The following CAPN5 variants were observed in gnomAD, a reference collection of about 807,000 sequenced individuals.
The protein encoded by CAPN5 is calpain 5, also known as calpain-5.
CAPN5 carries 54 observed loss-of-function variants against 73.0 expected under a neutral mutation model. That is an observed-to-expected ratio of 0.74 (90% CI 0.59 to 0.93). The LOEUF is 0.93. CAPN5 is among the 40% of genes least tolerant of loss of function. The pLI is 0.00. For synonymous variants in CAPN5, 335 were observed against 356.9 expected (o/e 0.94, Z 0.69); for missense variants, 785 against 882.9 (o/e 0.89, Z 1.41).
intron 9 of CAPN5, 41 bp downstream of exon 9, chr11:77,119,193 AG>A (rs782070395): frequency 1.3e-5 from 21 of 1,575,634 alleles, no homozygotes; most frequent in Non-Finnish European, 1.8e-5. Flanking sequence ...GGGGAGAGGG[AG>A]GGAGCTGGAG....
In CAPN5 at chr11:77,119,100, C is replaced by A. The variant is rs370528920; in HGVS notation, c.1238C>A (p.Thr413Lys). 5.6e-6 allele frequency: 9 copies of A among 1,613,988 alleles called. No individual in the cohort carries two copies. The highest frequency in any genetic ancestry group is 7.6e-6 in the Non-Finnish European group (9 of 1,179,968). The change falls in exon 9 of 13, where the codon ACG (threonine) becomes AAG (lysine). Residue 413 changes from threonine to lysine, a missense_variant. Physicochemically the swap from Thr to Lys is moderately conservative, Grantham distance 78. Coordinates refer to ENST00000648180, the MANE Select transcript of CAPN5 (RefSeq NM_004055.5). ...ATCCAGCAGCGGCCAAAGCGGTCTA[C>A]GCGCCGGGAGGGCAAGGGTGAGAAC... ...ICIQQRPKRS[T>K]RREGKGENLA...
chr11:77,099,740 G>C (rs1236991421), intron 3 of CAPN5, among the ~76,000 whole-genome samples: 1 of 148,296 alleles, frequency 6.7e-6, no homozygotes, highest in Non-Finnish European at 1.5e-5. Flanking sequence ...AGAGGGAGAG[G>C]GAGAGGGAGA....
intron 1 of CAPN5, among the ~76,000 whole-genome samples, chr11:77,067,899 G>A (rs1949862357): frequency 6.6e-6 from 1 of 152,104 alleles, no homozygotes; most frequent in East Asian, 1.9e-4. Flanking sequence ...GGGGCACAGA[G>A]AAGCGAAGTC....
At chr11:77,082,121 A>G (rs1014984303) in intron 1 of CAPN5, among the ~76,000 whole-genome samples, 33 of 152,054 alleles carry the variant, frequency 2.2e-4, no homozygotes, top group Non-Finnish European at 4.0e-4. Context: ...GTGCTGTCCC[A>G]GGGGCACCAG....
chr11:77,112,226 G>A (rs1555040836), intron 3 of CAPN5, among the ~76,000 whole-genome samples: 1 of 152,118 alleles, frequency 6.6e-6, no homozygotes, highest in Non-Finnish European at 1.5e-5. Context: ...GGGGCTGCCA[G>A]CCTTGGGGTG....
chr11:77,087,053 G>C (rs1555035674), intron 2 of CAPN5, among the ~76,000 whole-genome samples: 1 of 152,210 alleles, frequency 6.6e-6, no homozygotes, highest in Non-Finnish European at 1.5e-5. Context: ...AGGTGACAGA[G>C]AGCGTATGGT....
chr11:77,084,653 C>A (rs376903592), intron 1 of CAPN5, among the ~76,000 whole-genome samples, 199 bp from the exon 2 acceptor site: 1 of 152,188 alleles, frequency 6.6e-6, no homozygotes, highest in African/African-American at 2.4e-5. Context: ...GCTTCAGAAA[C>A]GAGAGAATCC....
chr11:77,075,502 T>C (rs1949960118), intron 1 of CAPN5, among the ~76,000 whole-genome samples: 1 of 152,156 alleles, frequency 6.6e-6, no homozygotes, highest in Admixed American at 6.5e-5. Context: ...CAAAGGCTAG[T>C]GCTCGGACCC....
intron 3 of CAPN5, among the ~76,000 whole-genome samples, chr11:77,106,216 C>T (rs1950346228): frequency 6.6e-6 from 1 of 152,064 alleles, no homozygotes; most frequent in African/African-American, 2.4e-5. Context: ...GTTTCCCTTT[C>T]ACACACCCCT....
At position 77,077,699 on chromosome 11, in the gene CAPN5, G is replaced by A. The variant is rs567598271; in HGVS notation, c.-35-7153G>A. Among the ~76,000 whole-genome samples the A allele has an allele frequency of 1.5e-3, 235 of 152,170 alleles. 2 individuals are homozygous for A. Among genetic ancestry groups the A allele is most frequent in the African/African-American group, 5.5e-3 (229 of 41,524 alleles). On this transcript the variant is annotated intron_variant, in intron 1 of 12. Transcript: ENST00000648180. ...TGGCTAATTTTTTGTATTTTTAGTA[G>A]AGATGGGGTTTCGCCATGTTGAGCA...
chr11:77,110,923 T>A (rs980064187), intron 3 of CAPN5, among the ~76,000 whole-genome samples: 8 of 151,854 alleles, frequency 5.3e-5, no homozygotes, highest in African/African-American at 1.9e-4. Flanking sequence ...GTGCCCCCCA[T>A]ACCTGGAGTG....
At chr11:77,083,581 G>A (rs1950049533) in intron 1 of CAPN5, among the ~76,000 whole-genome samples, 1 of 152,184 alleles carries the variant, frequency 6.6e-6, no homozygotes, top group Non-Finnish European at 1.5e-5. Flanking sequence ...CGGCACTGTT[G>A]GCAGGCAGTA....
chr11:77,088,126 A>T, intron 2 of CAPN5: 2 of 1,463,826 alleles, frequency 1.4e-6, no homozygotes, highest in Non-Finnish European at 1.8e-6. Flanking sequence ...TCTCTCCCAC[A>T]TCTGGGTATG....
chr11:77,113,347 G>C (rs564333047), intron 4 of CAPN5, among the ~76,000 whole-genome samples: 82 of 152,344 alleles, frequency 5.4e-4, no homozygotes, highest in African/African-American at 1.8e-3. Flanking sequence ...GCATAGAATG[G>C]GCACAAGCAA....
chr11:77,104,357 C>T (rs1386069712), intron 3 of CAPN5, among the ~76,000 whole-genome samples: 2 of 152,206 alleles, frequency 1.3e-5, no homozygotes, highest in East Asian at 1.9e-4. Flanking sequence ...GCAAGTGCTT[C>T]GTCCTGACAT....
chr11:77,073,193 C>A, intron 1 of CAPN5: 1 of 1,031,938 alleles, frequency 9.7e-7, no homozygotes, highest in Non-Finnish European at 1.3e-6. Context: ...GGATGTGGTT[C>A]TTTCAGTGTT....
At chr11:77,069,531 G>T (rs1158933752) in intron 1 of CAPN5, among the ~76,000 whole-genome samples, 3 of 152,126 alleles carry the variant, frequency 2.0e-5, no homozygotes, top group African/African-American at 7.2e-5. Flanking sequence ...TTGAGGAGAG[G>T]CAAGGGCTGA....
intron 3 of CAPN5, chr11:77,103,463 G>T (rs1950310711): frequency 9.3e-7 from 1 of 1,075,986 alleles, no homozygotes; most frequent in Admixed American, 2.3e-5. Context: ...GAGGCCCCCT[G>T]AGTCCCACAC....
At chr11:77,078,580 T>G (rs1161591886) in intron 1 of CAPN5, among the ~76,000 whole-genome samples, 7 of 152,212 alleles carry the variant, frequency 4.6e-5, no homozygotes, top group Non-Finnish European at 1.5e-5. Context: ...TTTTAAGGAC[T>G]GTTTTTTATT....
Sources: gnomAD v4.1 joint callset for allele counts (sites outside exome capture counted in the v4.1 genomes callset) on GRCh38, gnomAD v4.1.1 for gene constraint, MANE v1.5 for transcripts, NCBI Gene and HGNC (gene_info 2026-07-23, HGNC 2026-07-21) for gene names.